Variants in MAP7 observed in about 807,000 individuals in gnomAD.
MAP7 encodes the protein ensconsin.
A neutral mutation model predicts 94.8 loss-of-function variants in MAP7; 52 were observed. That is an observed-to-expected ratio of 0.55 (90% confidence interval 0.44 to 0.69). MAP7 has a LOEUF of 0.69. MAP7 is among the 30% of genes least tolerant of loss of function. MAP7 has a pLI of 0.00. For synonymous variants in MAP7, 350 were observed against 357.0 expected, an observed-to-expected ratio of 0.98 and a Z score of 0.22; for missense variants, 940 against 964.6, an observed-to-expected ratio of 0.97 and a Z score of 0.34.
chr6:136,426,145 C>G (rs901630132), intron 1 of MAP7, among the ~76,000 whole-genome samples: 2 of 152,144 alleles, frequency 1.3e-5, no homozygotes, highest in African/African-American at 4.8e-5. Flanking sequence ...GTGCTCTCAA[C>G]AAAGTTCCCG....
chr6:136,358,109 C>T (rs1221286207), intron 15 of MAP7, among the ~76,000 whole-genome samples: 1 of 152,182 alleles, frequency 6.6e-6, no homozygotes, highest in Non-Finnish European at 1.5e-5. Flanking sequence ...GCAGTTTTAA[C>T]TCAAATCAAA....
chr6:136,528,927 C>A (rs1007901056), intron 1 of MAP7, among the ~76,000 whole-genome samples: 2 of 152,126 alleles, frequency 1.3e-5, no homozygotes, highest in Non-Finnish European at 2.9e-5. Context: ...ATGTTCACAC[C>A]CAATCTTTAA....
chr6:136,344,778 AGT>A (rs1266984557), intron 17 of MAP7, among the ~76,000 whole-genome samples: 1 of 152,236 alleles, frequency 6.6e-6, no homozygotes, highest in Non-Finnish European at 1.5e-5. Flanking sequence ...AGTTCACTAA[AGT>A]GAGGTTCCAC....
chr6:136,548,340 A>G (rs749503477), intron 1 of MAP7, among the ~76,000 whole-genome samples: 4 of 152,280 alleles, frequency 2.6e-5, no homozygotes, highest in South Asian at 2.1e-4. Context: ...AAATACATTT[A>G]CACCTTCCTT....
intron 3 of MAP7, among the ~76,000 whole-genome samples, chr6:136,399,667 T>C (rs570037970): frequency 6.6e-6 from 1 of 152,338 alleles, no homozygotes; most frequent in South Asian, 2.1e-4. Flanking sequence ...TTTCCTTTTG[T>C]TTTCATTTTG....
intron 1 of MAP7, among the ~76,000 whole-genome samples, chr6:136,484,439 G>A (rs1259815851): frequency 6.6e-6 from 1 of 152,120 alleles, no homozygotes; most frequent in African/African-American, 2.4e-5. Flanking sequence ...TCTGCCCATG[G>A]TCATTCTGGT....
At chr6:136,525,485 G>T (rs999890212) in intron 1 of MAP7, among the ~76,000 whole-genome samples, 25 of 152,334 alleles carry the variant, frequency 1.6e-4, no homozygotes, top group African/African-American at 6.0e-4. Flanking sequence ...GTGGGGAGAT[G>T]TTCGTTTAAA....
At chr6:136,456,767 G>GGAGGAATAAGAA (rs1179338276) in intron 1 of MAP7, among the ~76,000 whole-genome samples, 2 of 60,520 alleles carry the variant, frequency 3.3e-5, no homozygotes, top group African/African-American at 1.5e-4. Flanking sequence ...AGGAGGAGGA[G>GGAGGAATAAGAA]GAAGAAGAAG....
At chr6:136,355,183 A>T (rs1790530067) in intron 16 of MAP7, among the ~76,000 whole-genome samples, 1 of 152,134 alleles carries the variant, frequency 6.6e-6, no homozygotes, top group East Asian at 1.9e-4. Flanking sequence ...CAAAAAAAAT[A>T]ATAATAAAAG....
At chr6:136,489,559 G>A (rs1225646790) in intron 1 of MAP7, among the ~76,000 whole-genome samples, 3 of 118,306 alleles carry the variant, frequency 2.5e-5, no homozygotes, top group East Asian at 4.9e-4. Flanking sequence ...GCAGACTCTC[G>A]CTCTGTCACC....
intron 3 of MAP7, among the ~76,000 whole-genome samples, chr6:136,395,956 T>C (rs1465688620): frequency 2.0e-5 from 3 of 152,226 alleles, no homozygotes; most frequent in Non-Finnish European, 4.4e-5. Flanking sequence ...TTGGTTACTA[T>C]AGTTGTGTAA....
chr6:136,374,950 C>T (rs1022726900), intron 7 of MAP7, among the ~76,000 whole-genome samples: 2 of 151,988 alleles, frequency 1.3e-5, no homozygotes, highest in Non-Finnish European at 2.9e-5. Flanking sequence ...TCCCAGAGTA[C>T]ACTTCATATC....
chr6:136,522,893 G>A (rs1466981455), intron 1 of MAP7, among the ~76,000 whole-genome samples: 3 of 152,118 alleles, frequency 2.0e-5, no homozygotes, highest in Non-Finnish European at 4.4e-5. Context: ...AAATTAGTTG[G>A]GTGTGGTGGC....
chr6:136,541,397 G>A (rs964569319), intron 1 of MAP7, among the ~76,000 whole-genome samples: 2 of 152,094 alleles, frequency 1.3e-5, no homozygotes, highest in African/African-American at 4.8e-5. Flanking sequence ...CATAGTGAAG[G>A]ATAGTTCTCT....
intron 1 of MAP7, among the ~76,000 whole-genome samples, chr6:136,537,857 G>A (rs1041092267): frequency 4.6e-5 from 7 of 151,066 alleles, no homozygotes; most frequent in Admixed American, 2.6e-4. Flanking sequence ...GCACAATCTC[G>A]GCTCACCGCA....
chr6:136,487,315 G>A (rs1815093673), intron 1 of MAP7, among the ~76,000 whole-genome samples: 1 of 152,180 alleles, frequency 6.6e-6, no homozygotes. Flanking sequence ...ATACGATAGA[G>A]TTTATAAAGA....
chr6:136,377,926 A>C, intron 6 of MAP7, 58 bp from the exon 7 acceptor site: 1 of 1,240,484 alleles, frequency 8.1e-7, no homozygotes, highest in Non-Finnish European at 1.2e-6. Flanking sequence ...TCAAGAGGGC[A>C]TAATACATCG....
intron 8 of MAP7, among the ~76,000 whole-genome samples, chr6:136,372,251 C>T (rs1028933157): frequency 6.6e-6 from 1 of 152,180 alleles, no homozygotes; most frequent in South Asian, 2.1e-4. Context: ...TCCACTCATA[C>T]ATGCTTGAAC....
At chr6:136,385,710 G>GT (rs1582750348) in intron 5 of MAP7, among the ~76,000 whole-genome samples, 1 of 152,152 alleles carries the variant, frequency 6.6e-6, no homozygotes, top group East Asian at 1.9e-4. Flanking sequence ...TAAGACAGTT[G>GT]TTATTCATTT....
Sources: allele counts gnomAD v4.1 joint callset (sites outside exome capture counted in the v4.1 genomes callset), GRCh38; gene constraint gnomAD v4.1.1; transcripts MANE v1.5; gene names NCBI Gene and HGNC (gene_info 2026-07-23, HGNC 2026-07-21).